Variants in ADGRV1 observed in about 807,000 individuals in gnomAD.
ADGRV1 encodes the protein G-protein coupled receptor 98.
Under a neutral mutation model 596.2 loss-of-function variants are expected in ADGRV1, and 359 were observed. The observed-to-expected ratio is 0.60, with a 90% CI of 0.55 to 0.66. The LOEUF (loss-of-function observed/expected upper bound fraction) is 0.66, where lower values mean the gene tolerates loss of function less well. Ranked by LOEUF, ADGRV1 falls within the 30% of genes least tolerant of loss-of-function variation. ADGRV1 has a pLI of 0.00. For missense variants in ADGRV1, 7,274 were observed against 7,575.6 expected, an observed-to-expected ratio of 0.96 and a Z score of 1.48; for synonymous variants, 2,681 against 2,679.2, an observed-to-expected ratio of 1.00 and a Z score of -0.02.
intron 78 of ADGRV1, among the ~76,000 whole-genome samples, chr5:90,845,598 A>G (rs1342893569): frequency 1.3e-5 from 2 of 151,034 alleles, no homozygotes; most frequent in Admixed American, 1.3e-4. Context: ...GGTTTCTGGT[A>G]TGATTTTTTT....
chr5:90,697,261 T>C, intron 34 of ADGRV1, 115 bp downstream of exon 34: 3 of 913,952 alleles, frequency 3.3e-6, no homozygotes. Context: ...GAACTGTGTG[T>C]GTGTTAATCT....
rs148571860 is a variant in ADGRV1 at position 91,145,493 on chromosome 5, C to T, written c.18433-4537C>T. On this transcript the variant is annotated intron_variant, in intron 87 of 89. Transcript: ENST00000405460. ...ATTGCTGTAGCCAATTTAATTAGGTCATACCCATGTGAAAAGTTTGTTGTA... is the reference window on the plus strand; with the variant it reads ...ATTGCTGTAGCCAATTTAATTAGGTTATACCCATGTGAAAAGTTTGTTGTA... Among the ~76,000 whole-genome samples, 14 of 152,232 alleles carry T rather than the reference C, an allele frequency of 9.2e-5. No homozygotes were observed. The East Asian group carries it at 2.1e-3, about 23-fold the overall frequency.
chr5:90,933,653 G>A (rs1178566336), intron 83 of ADGRV1, among the ~76,000 whole-genome samples: 3 of 152,110 alleles, frequency 2.0e-5, no homozygotes, highest in Non-Finnish European at 4.4e-5. Context: ...TAACTTTTGA[G>A]TTGATTTGGT....
chr5:90,708,822 G>A lies in ADGRV1; in HGVS notation c.8737G>A (p.Val2913Ile), dbSNP rs1393175347. 1 of 1,605,116 alleles carries A rather than the reference G, an allele frequency of 6.2e-7. No homozygotes were observed. The highest frequency in any genetic ancestry group is 8.5e-7 in the Non-Finnish European group (1 of 1,173,166). Residue 2913 changes from valine to isoleucine, a missense_variant, in exon 39 of 90, where the codon GTA becomes ATA. Physicochemically the swap from Val to Ile is conservative, Grantham distance 29. Around this residue, in one of 5 missense-constraint regions of ADGRV1, gnomAD observed 3,643 missense variants for 3,809.2 expected, o/e 0.96. Transcript: ENST00000405460. ...ATGAGTGTAATTTTTTCAGGATGATGTACCAGAGCTAGAAGAATATTTCCT... is the reference window on the plus strand; with the variant it reads ...ATGAGTGTAATTTTTTCAGGATGATATACCAGAGCTAGAAGAATATTTCCT... ...AINITILEDD[V>I]PELEEYFLVN... is the part of the protein sequence containing the mutation.
In ADGRV1 at chr5:90,705,564, G is replaced by T; in HGVS notation, c.8551G>T (p.Glu2851Ter). Residue 2851 changes from glutamate (E) to a stop codon, truncating the protein, a stop_gained, in exon 37 of 90, where the codon GAA becomes TAA. Transcript: ENST00000405460. LOFTEE classifies it high-confidence loss of function. ...AACAATTCAGCTTTTCATCAACAGAGAATTTGGATCTCTAGGTTTGTGTTA... is the reference window on the plus strand; with the variant it reads ...AACAATTCAGCTTTTCATCAACAGATAATTTGGATCTCTAGGTTTGTGTTA... The part of the protein sequence containing the change: ...NITIQLFINR[E>*]FGSLGAINVT... 2 of 1,613,548 alleles carry T rather than the reference G, an allele frequency of 1.2e-6. No individual in the cohort carries two copies. The highest frequency in any genetic ancestry group is 1.3e-5 in the African/African-American group (1 of 75,026).
chr5:90,685,921 A>G lies in ADGRV1; in HGVS notation c.6416A>G (p.Asn2139Ser), dbSNP rs1745564013. 1.2e-6 allele frequency: 2 copies of G among 1,611,214 alleles called. No homozygotes were observed. The highest frequency in any genetic ancestry group is 2.2e-5 in the East Asian group (1 of 44,822). ...GAAAATCATGTTGGACCCATTATCA[A>G]TGTGACTAGAACAGGAGGAGCATTT... ...VAENHVGPII[N>S]VTRTGGAFAD... Residue 2139 changes from asparagine (N) to serine (S), a missense_variant, in exon 29 of 90, where the codon AAT (asparagine) becomes AGT (serine). By Grantham distance (46) the Asn-to-Ser change is conservative (BLOSUM62 1). This residue lies in a region of ADGRV1 where 3,643 missense variants were observed against 3,809.2 expected (regional missense o/e 0.96). Transcript: ENST00000405460.
At position 90,685,960 on chromosome 5, in the gene ADGRV1, T is replaced by TG; in HGVS notation, c.6456dup (p.Lys2153GlufsTer3). 1 of 1,600,682 alleles carries TG rather than the reference T, an allele frequency of 6.2e-7. No individual in the cohort carries two copies. The highest frequency in any genetic ancestry group is 8.5e-7 in the Non-Finnish European group (1 of 1,171,876). On this transcript the variant is annotated frameshift_variant, in exon 29 of 90. Coordinates refer to ENST00000405460, the MANE Select transcript of ADGRV1 (RefSeq NM_032119.4). LOFTEE classifies it high-confidence loss of function. Reference sequence around the variant, plus strand: ...GGAGGAGCATTTGCAGATGTCTCTGTGAAGTTTAAAGCTGTGCCAATAACT... The same window carrying TG: ...GGAGGAGCATTTGCAGATGTCTCTGTGGAAGTTTAAAGCTGTGCCAATAACT...
chr5:91,029,291 T>C lies in ADGRV1; in HGVS notation c.18153-43156T>C, dbSNP rs560413543. 4.6e-5 allele frequency among the ~76,000 whole-genome samples: 7 copies of C among 152,348 alleles called. No individual in the cohort carries two copies. In the South Asian group the frequency reaches 6.2e-4, roughly 14 times the overall value. Reference sequence around the variant, plus strand: ...ATCAATATAATGTTTTAGATGTGATTCCAAATGATATGCATAACTTTAGTT... The same window carrying C: ...ATCAATATAATGTTTTAGATGTGATCCCAAATGATATGCATAACTTTAGTT... On this transcript the variant is annotated intron_variant, in intron 85 of 89. Coordinates refer to ENST00000405460, the MANE Select transcript of ADGRV1 (RefSeq NM_032119.4).
intron 1 of ADGRV1, among the ~76,000 whole-genome samples, chr5:90,560,094 G>A (rs939844237): frequency 1.3e-5 from 2 of 152,142 alleles, no homozygotes; most frequent in African/African-American, 4.8e-5. Context: ...ATGTGATTAG[G>A]TATAATTTTC....
At chr5:90,978,252 G>A (rs567866400) in intron 84 of ADGRV1, among the ~76,000 whole-genome samples, 2 of 152,016 alleles carry the variant, frequency 1.3e-5, no homozygotes, top group South Asian at 4.2e-4. Flanking sequence ...CCGAGATCGC[G>A]CCACTACACT....
chr5:90,651,493 A>C (rs1430993880), intron 17 of ADGRV1, 111 bp from the exon 18 acceptor site: 1 of 950,680 alleles, frequency 1.1e-6, no homozygotes, highest in Admixed American at 3.1e-5. Context: ...CAGTGAGGAA[A>C]TTCTTGCTGA....
intron 85 of ADGRV1, among the ~76,000 whole-genome samples, chr5:90,991,057 AC>A (rs1397733875): frequency 3.3e-5 from 5 of 151,882 alleles, no homozygotes; most frequent in African/African-American, 9.7e-5. Context: ...TTTATCTGGA[AC>A]CCCAGTTATG....
chr5:90,999,688 GT>G (rs1562069012), intron 85 of ADGRV1, among the ~76,000 whole-genome samples: 1 of 151,966 alleles, frequency 6.6e-6, no homozygotes. Flanking sequence ...ATAATGCAAA[GT>G]TTTTTTCAGT....
rs745913799 is a variant in ADGRV1, at chr5:90,627,238, A to T, written c.700A>T (p.Ile234Phe). The change falls in exon 7 of 90, where the codon ATT becomes TTT. Residue 234 changes from isoleucine (I) to phenylalanine (F), a missense_variant. By Grantham distance (21) the Ile-to-Phe change is conservative. Coordinates refer to ENST00000405460, the MANE Select transcript of ADGRV1 (RefSeq NM_032119.4). ...EVPENDEIFL[I>F]QLKSVEGGAE... ...ACCAGAAAATGATGAAATATTTTTAATTCAACTGAAAAGTGTAGAAGGAGG... is the reference window on the plus strand; with the variant it reads ...ACCAGAAAATGATGAAATATTTTTATTTCAACTGAAAAGTGTAGAAGGAGG... The T allele has an allele frequency of 1.3e-6, 2 of 1,545,334 alleles. No individual in the cohort carries two copies. Among genetic ancestry groups the T allele is most frequent in the Non-Finnish European group, 8.7e-7 (1 of 1,147,724 alleles).
At chr5:90,844,172 A>G (rs1765665455) in intron 78 of ADGRV1, among the ~76,000 whole-genome samples, 2 of 152,314 alleles carry the variant, frequency 1.3e-5, no homozygotes, top group East Asian at 1.9e-4. Context: ...ATGAAATTAT[A>G]TACACTCTAA....
At chr5:90,675,546 C>G in intron 24 of ADGRV1, 101 bp downstream of exon 24, 1 of 1,151,396 alleles carries the variant, frequency 8.7e-7, no homozygotes, top group Non-Finnish European at 1.3e-6. Flanking sequence ...TAGTGACTCA[C>G]GCCTGTAATC....
intron 85 of ADGRV1, among the ~76,000 whole-genome samples, chr5:91,041,021 C>T (rs1185918046): frequency 6.6e-6 from 1 of 152,062 alleles, no homozygotes; most frequent in Non-Finnish European, 1.5e-5. Context: ...AGAGACTTGC[C>T]CAATTACACT....
intron 86 of ADGRV1, among the ~76,000 whole-genome samples, chr5:91,097,707 C>T (rs774983524): frequency 6.6e-6 from 1 of 152,096 alleles, no homozygotes; most frequent in South Asian, 2.1e-4. Flanking sequence ...CACAAGGGTT[C>T]CAATTGCTAA....
At chr5:90,604,251 T>C (rs1463983988) in intron 1 of ADGRV1, among the ~76,000 whole-genome samples, 1 of 152,178 alleles carries the variant, frequency 6.6e-6, no homozygotes, top group Non-Finnish European at 1.5e-5. Flanking sequence ...AAAAAACACA[T>C]ATCTCTAGGC....
Sources: allele counts gnomAD v4.1 joint callset (sites outside exome capture counted in the v4.1 genomes callset), GRCh38; gene constraint gnomAD v4.1.1; regional missense constraint gnomAD v4.1.1; transcripts MANE v1.5; gene names NCBI Gene and HGNC (gene_info 2026-07-23, HGNC 2026-07-21).